MIGA1: variants seen among roughly 807,000 people sequenced by gnomAD.
MIGA1 encodes the protein mitoguardin 1, also known as family with sequence similarity 73, member A.
MIGA1 carries 58 observed loss-of-function variants against 82.0 expected under a neutral mutation model. The ratio of observed to expected loss-of-function variants is 0.71; its 90% confidence interval spans 0.57 to 0.88. MIGA1 has a LOEUF of 0.88. Ranked by LOEUF, MIGA1 falls within the 40% of genes least tolerant of loss-of-function variation. The pLI is 0.00. For synonymous variants in MIGA1, 249 were observed against 253.6 expected, an observed-to-expected ratio of 0.98 and a Z score of 0.17; for missense variants, 751 against 749.1, an observed-to-expected ratio of 1.00 and a Z score of -0.03.
chr1:77,871,504 A>G (rs1159772042), intron 14 of MIGA1, among the ~76,000 whole-genome samples: 1 of 147,950 alleles, frequency 6.8e-6, no homozygotes, highest in Non-Finnish European at 1.5e-5. Context: ...TCCGTCTCAG[A>G]AAAAAAAAAA....
intron 8 of MIGA1, among the ~76,000 whole-genome samples, chr1:77,854,293 G>T (rs1685165900): frequency 6.6e-6 from 1 of 152,180 alleles, no homozygotes; most frequent in Non-Finnish European, 1.5e-5. Context: ...GTCGATTGAT[G>T]GGCATTTGGG....
intron 5 of MIGA1, among the ~76,000 whole-genome samples, chr1:77,808,891 T>A (rs1683206269): frequency 6.6e-6 from 1 of 152,208 alleles, no homozygotes; most frequent in African/African-American, 2.4e-5. Context: ...GAGAGTTAAA[T>A]TCACATATTT....
intron 5 of MIGA1, among the ~76,000 whole-genome samples, chr1:77,808,071 C>T (rs1057059950): frequency 6.6e-6 from 1 of 151,690 alleles, no homozygotes; most frequent in Admixed American, 6.6e-5. Flanking sequence ...TTACCCGCCT[C>T]GGTCTCCTAA....
chr1:77,805,274 C>T (rs560898629), intron 4 of MIGA1, among the ~76,000 whole-genome samples: 59 of 152,082 alleles, frequency 3.9e-4, no homozygotes, highest in Admixed American at 1.3e-3. Flanking sequence ...GGATTACAGG[C>T]GTGAGCCACC....
At position 77,876,972 on chromosome 1, in the gene MIGA1, AGGAGTGAGTT is replaced by A. The variant is rs1646898450; in HGVS notation, c.*1910_*1919del. ...CCCTAAAACGGGCTTTAGTCATTTT[AGGAGTGAGTT>A]GCACAAAAGGACCTAAAATGCATTG... On this transcript the variant is annotated 3_prime_UTR_variant, in exon 16 of 16. Transcript: ENST00000370791. 6.6e-6 allele frequency: 1 copy of A among 152,184 alleles called. No homozygotes were observed. Among genetic ancestry groups the A allele is most frequent in the Non-Finnish European group, 1.5e-5 (1 of 68,038 alleles). 9.4% of individuals were successfully genotyped at this position (152,184 alleles called of 1,614,324 possible).
At chr1:77,799,423 A>C (rs1026473532) in intron 2 of MIGA1, among the ~76,000 whole-genome samples, 1 of 152,202 alleles carries the variant, frequency 6.6e-6, no homozygotes, top group Non-Finnish European at 1.5e-5. Context: ...GTTTGGGTTT[A>C]TTAAATCAAT....
At chr1:77,851,287 T>C (rs1303941127) in intron 8 of MIGA1, among the ~76,000 whole-genome samples, 5 of 152,218 alleles carry the variant, frequency 3.3e-5, no homozygotes, top group East Asian at 1.9e-4. Flanking sequence ...TTTGAAAATA[T>C]TAAAATGAGT....
chr1:77,848,480 T>A, intron 8 of MIGA1: 1 of 1,027,374 alleles, frequency 9.7e-7, no homozygotes, highest in Non-Finnish European at 1.5e-6. Flanking sequence ...CAGAAAGAAA[T>A]CTTCAGAAAG....
Position 77,826,412 on chromosome 1 carries a change from C to T in MIGA1, c.895+11181C>T, listed in dbSNP as rs1002622107. Among the ~76,000 whole-genome samples the T allele has an allele frequency of 2.6e-5, 4 of 152,028 alleles. No homozygotes were observed. In the South Asian group the frequency reaches 6.2e-4, roughly 24 times the overall value. ...TTCCCTCATCTCTGACCTTGTCATGCGTAGGAGGAAAATAAAAAATGATAA... is the reference window on the plus strand; with the variant it reads ...TTCCCTCATCTCTGACCTTGTCATGTGTAGGAGGAAAATAAAAAATGATAA... On this transcript the variant is annotated intron_variant, in intron 7 of 15. Transcript: ENST00000370791.
chr1:77,808,472 T>A (rs1683192691), intron 5 of MIGA1, among the ~76,000 whole-genome samples: 1 of 152,188 alleles, frequency 6.6e-6, no homozygotes, highest in South Asian at 2.1e-4. Context: ...TAAATATGTT[T>A]TTTCTAGCTA....
intron 7 of MIGA1, among the ~76,000 whole-genome samples, chr1:77,834,525 A>G (rs1684357150): frequency 6.6e-6 from 1 of 152,132 alleles, no homozygotes; most frequent in South Asian, 2.1e-4. Context: ...TCTCTTTTCA[A>G]TATTGAGGCA....
intron 7 of MIGA1, among the ~76,000 whole-genome samples, chr1:77,816,882 A>T (rs1683590874): frequency 6.6e-6 from 1 of 152,230 alleles, no homozygotes; most frequent in Non-Finnish European, 1.5e-5. Flanking sequence ...CAACTAGAAA[A>T]GTTAGAAAAA....
intron 2 of MIGA1, among the ~76,000 whole-genome samples, chr1:77,794,132 A>G (rs546794945): frequency 6.6e-6 from 1 of 152,284 alleles, no homozygotes; most frequent in Non-Finnish European, 1.5e-5. Flanking sequence ...AAAGAGTTGC[A>G]AAGATTGTAC....
chr1:77,792,391 C>A (rs1682464443), intron 2 of MIGA1, among the ~76,000 whole-genome samples: 1 of 151,918 alleles, frequency 6.6e-6, no homozygotes, highest in Non-Finnish European at 1.5e-5. Flanking sequence ...TTGTTGTAGC[C>A]CCTGGAATTT....
chr1:77,863,988 T>C lies in MIGA1; in HGVS notation c.1469T>C (p.Val490Ala). Residue 490 changes from valine to alanine, a missense_variant, in exon 13 of 16, where the codon GTA becomes GCA. Transcript: ENST00000370791. ...AACCCACCCACATCCATACAGAATG[T>C]AGTAAATAATCGATGGCTAAACTCA... is the stretch of plus-strand genomic sequence containing the variant. The C allele has an allele frequency of 6.2e-7, 1 of 1,608,088 alleles. No homozygotes were observed. Among genetic ancestry groups the C allele is most frequent in the Non-Finnish European group, 8.5e-7 (1 of 1,178,694 alleles).
intron 3 of MIGA1, among the ~76,000 whole-genome samples, chr1:77,802,804 A>G (rs1323499321): frequency 1.3e-5 from 2 of 152,010 alleles, no homozygotes. Context: ...AAAAAAACCA[A>G]GAAACTAATG....
At chr1:77,808,130 CTTTTTT>C (rs754585009) in intron 5 of MIGA1, among the ~76,000 whole-genome samples, 1 of 137,038 alleles carries the variant, frequency 7.3e-6, no homozygotes, top group Non-Finnish European at 1.6e-5. Flanking sequence ...ACCTTTCTCT[CTTTTTT>C]TTTTTTTTTT....
intron 2 of MIGA1, among the ~76,000 whole-genome samples, chr1:77,800,609 T>C (rs979937831): frequency 1.3e-5 from 2 of 152,258 alleles, no homozygotes; most frequent in African/African-American, 4.8e-5. Context: ...CTTCTTGCTC[T>C]GATGTTAGTA....
At position 77,858,919 on chromosome 1, in the gene MIGA1, T is replaced by C; in HGVS notation, c.997-19T>C. ...ACTGCACCTAGCCTGTATTCTGTTC[T>C]AACCCACCGTGCTCTTAGCTTGCAG... On this transcript the variant is annotated intron_variant, in intron 8 of 15. Coordinates refer to ENST00000370791, the MANE Select transcript of MIGA1 (RefSeq NM_198549.4). 2 of 1,450,596 alleles carry C rather than the reference T, an allele frequency of 1.4e-6. No individual in the cohort carries two copies. The highest frequency in any genetic ancestry group is 1.9e-6 in the Non-Finnish European group (2 of 1,031,218). 89.9% of individuals were successfully genotyped at this position (1,450,596 alleles called of 1,614,324 possible). A position where few individuals can be genotyped will look rare whatever the true frequency, so the allele number is the denominator to read the frequency against.
Sources: gnomAD v4.1 joint callset for allele counts (sites outside exome capture counted in the v4.1 genomes callset) on GRCh38, gnomAD v4.1.1 for gene constraint, MANE v1.5 for transcripts, NCBI Gene and HGNC (gene_info 2026-07-23, HGNC 2026-07-21) for gene names.